The following PTPRN2 variants were observed in gnomAD, a reference collection of about 807,000 sequenced individuals.
PTPRN2 encodes protein tyrosine phosphatase receptor type N2, also known as receptor-type tyrosine-protein phosphatase N2.
A neutral mutation model predicts 118.8 loss-of-function variants in PTPRN2; 74 were observed. The ratio of observed to expected loss-of-function variants is 0.62; its 90% CI spans 0.52 to 0.76. The LOEUF (loss-of-function observed/expected upper bound fraction) is 0.76. PTPRN2 is among the 30% of genes least tolerant of loss of function. The pLI, the probability that PTPRN2 is intolerant of heterozygous loss-of-function variation, is 0.00. For synonymous variants in PTPRN2, 641 were observed against 608.0 expected (o/e 1.05, Z -0.80); for missense variants, 1,481 against 1,394.4 (o/e 1.06, Z -0.99).
intron 3 of PTPRN2, among the ~76,000 whole-genome samples, chr7:158,228,210 A>G (rs1828940315): frequency 6.6e-6 from 1 of 152,192 alleles, no homozygotes; most frequent in Admixed American, 6.5e-5. Context: ...CAATCAACTT[A>G]GTCAATGACT....
chr7:158,436,779 T>C (rs867363344), intron 2 of PTPRN2, among the ~76,000 whole-genome samples: 74 of 152,326 alleles, frequency 4.9e-4, no homozygotes, highest in Middle Eastern at 6.8e-3. Context: ...AATTCATCAA[T>C]AGAGATTAAT....
intron 3 of PTPRN2, among the ~76,000 whole-genome samples, chr7:158,253,823 C>T (rs567574513): frequency 1.3e-5 from 2 of 152,340 alleles, no homozygotes; most frequent in Admixed American, 6.5e-5. Context: ...AACAGATTCT[C>T]GAGCCGCTGG....
chr7:158,340,147 C>A (rs1451417401), intron 2 of PTPRN2, among the ~76,000 whole-genome samples: 2 of 86,104 alleles, frequency 2.3e-5, no homozygotes, highest in Admixed American at 1.2e-4. Context: ...TCACTCACAC[C>A]CACACTCTCA....
chr7:157,592,219 A>G (rs1182395897), intron 17 of PTPRN2, among the ~76,000 whole-genome samples: 4 of 152,254 alleles, frequency 2.6e-5, no homozygotes, highest in African/African-American at 9.6e-5. Flanking sequence ...AGATGTAAAC[A>G]CTGATCAAAT....
At chr7:158,173,853 C>T (rs969507460) in intron 5 of PTPRN2, among the ~76,000 whole-genome samples, 2 of 152,206 alleles carry the variant, frequency 1.3e-5, no homozygotes, top group Non-Finnish European at 2.9e-5. Flanking sequence ...CTATTCTGCC[C>T]GACCCCGCAG....
At position 157,808,523 on chromosome 7, in the gene PTPRN2, T is replaced by A. The variant is rs1361044617; in HGVS notation, c.1788+90150A>T. ...TTGCACGCTCCTTATGAAAATCTAA[T>A]GCCTGATGATCTGTCACTGTCTCCC... On this transcript the variant is annotated intron_variant, in intron 12 of 22. Coordinates refer to ENST00000389418, the MANE Select transcript of PTPRN2 (RefSeq NM_002847.5). This position sits in a 1 kb window ranked among gnomAD's most constrained non-coding sequence, Gnocchi z 5.0. 1.3e-5 allele frequency among the ~76,000 whole-genome samples: 2 copies of A among 152,156 alleles called. No individual in the cohort carries two copies. The highest frequency in any genetic ancestry group is 2.9e-5 in the Non-Finnish European group (2 of 68,028).
At chr7:157,891,294 C>T (rs1045641554) in intron 12 of PTPRN2, among the ~76,000 whole-genome samples, 8 of 152,132 alleles carry the variant, frequency 5.3e-5, no homozygotes, top group Non-Finnish European at 8.8e-5. Flanking sequence ...TTTGCACAGA[C>T]AGGAAATGAC....
intron 10 of PTPRN2, among the ~76,000 whole-genome samples, chr7:158,087,021 C>T (rs1280598217): frequency 6.6e-6 from 1 of 152,132 alleles, no homozygotes; most frequent in Admixed American, 6.5e-5. Flanking sequence ...CATTATTTAC[C>T]CTGCAAAATC....
intron 2 of PTPRN2, among the ~76,000 whole-genome samples, chr7:158,447,817 C>G (rs1006012277): frequency 1.3e-5 from 2 of 152,228 alleles, no homozygotes; most frequent in African/African-American, 2.4e-5. Context: ...GAGCCGAGAG[C>G]GGGGGCAGTG....
At chr7:158,265,401 C>CGGGCACACACCTGT (rs201755562) in intron 3 of PTPRN2, among the ~76,000 whole-genome samples, 9 of 151,624 alleles carry the variant, frequency 5.9e-5, no homozygotes, top group African/African-American at 1.9e-4. Flanking sequence ...CACCCACCTG[C>CGGGCACACACCTGT]GGGCACACAC....
rs1229945743 is a variant in PTPRN2 at position 157,674,903 on chromosome 7, T to C, written c.2001+7822A>G. Among the ~76,000 whole-genome samples, 1 of 152,120 alleles carries C rather than the reference T, an allele frequency of 6.6e-6. No individual in the cohort carries two copies. The highest frequency in any genetic ancestry group is 1.5e-5 in the Non-Finnish European group (1 of 68,012). On this transcript the variant is annotated intron_variant, in intron 13 of 22. Transcript: ENST00000389418. The surrounding 1 kb of genome is among the most constrained non-coding windows in gnomAD (Gnocchi z 4.5). ...AGGAGCTACCCGAGGCTTCTTCTCC[T>C]TGCCAACAACGATGCCCTCCTCCCG...
intron 12 of PTPRN2, among the ~76,000 whole-genome samples, chr7:157,890,827 C>T (rs735974): frequency 0.18 from 27,741 of 152,138 alleles, 2,923 homozygotes; most frequent in African/African-American, 0.26. Flanking sequence ...CTCCACCTCA[C>T]CTGTTGGCAT....
rs141711747 is a variant in PTPRN2, at chr7:157,938,972, C to T, written c.1724-40235G>A. On this transcript the variant is annotated intron_variant, in intron 11 of 22. Transcript: ENST00000389418. ...TCTTGTCCATGATCCACACGGGCTACGAGCCCCTGCAGTGCCTTGTGCATG... is the reference window on the plus strand; with the variant it reads ...TCTTGTCCATGATCCACACGGGCTATGAGCCCCTGCAGTGCCTTGTGCATG... Among the ~76,000 whole-genome samples, 69 of 152,342 alleles carry T rather than the reference C, an allele frequency of 4.5e-4. 2 individuals carry two copies. In the East Asian group the frequency reaches 9.3e-3, roughly 20 times the overall value.
chr7:158,357,550 C>T (rs1036174220), intron 2 of PTPRN2, among the ~76,000 whole-genome samples: 4 of 152,244 alleles, frequency 2.6e-5, no homozygotes, highest in African/African-American at 9.6e-5. Context: ...ATTTGCTGCG[C>T]AGCCCAGGCC....
intron 13 of PTPRN2, among the ~76,000 whole-genome samples, chr7:157,681,284 C>G (rs1013576833): frequency 3.3e-5 from 5 of 152,226 alleles, no homozygotes; most frequent in Non-Finnish European, 5.9e-5. Context: ...TGTACTGACA[C>G]AGACTTGGCC....
At chr7:158,144,832 C>T (rs1352083722) in intron 6 of PTPRN2, among the ~76,000 whole-genome samples, 1 of 152,176 alleles carries the variant, frequency 6.6e-6, no homozygotes, top group Non-Finnish European at 1.5e-5. Context: ...TGTCGACCCA[C>T]CCTGAACTTT....
chr7:158,457,122 C>T (rs749007169), intron 2 of PTPRN2, among the ~76,000 whole-genome samples: 6 of 152,158 alleles, frequency 3.9e-5, no homozygotes, highest in African/African-American at 9.7e-5. Flanking sequence ...ACAGCAATGG[C>T]GCACGCAGGG....
intron 6 of PTPRN2, among the ~76,000 whole-genome samples, chr7:158,149,929 A>T (rs1820783780): frequency 6.6e-6 from 1 of 152,162 alleles, no homozygotes; most frequent in African/African-American, 2.4e-5. Flanking sequence ...TTTAATATAA[A>T]ATAAATAAAA....
intron 2 of PTPRN2, among the ~76,000 whole-genome samples, chr7:158,322,972 C>T (rs1335936816): frequency 2.6e-5 from 4 of 152,220 alleles, no homozygotes; most frequent in Non-Finnish European, 4.4e-5. Context: ...GAGCCATCTG[C>T]AAGGTGAACC....
Sources: gnomAD v4.1 joint callset for allele counts (sites outside exome capture counted in the v4.1 genomes callset) on GRCh38, gnomAD v4.1.1 for gene constraint, Gnocchi (gnomAD v3.1) non-coding constraint, MANE v1.5 for transcripts, NCBI Gene and HGNC (gene_info 2026-07-23, HGNC 2026-07-21) for gene names.